Variants in ST7 observed in about 807,000 individuals in gnomAD.
ST7 encodes the protein suppressor of tumorigenicity 7 protein.
ST7 carries 28 observed loss-of-function variants against 78.7 expected under a neutral mutation model. The observed-to-expected ratio is 0.36, with a 90% CI of 0.26 to 0.49. The LOEUF is 0.49. Ranked by LOEUF, ST7 falls within the 20% of genes least tolerant of loss-of-function variation. The pLI, the probability that ST7 is intolerant of heterozygous loss-of-function variation, is 0.99. For synonymous variants in ST7, 247 were observed against 249.6 expected, an observed-to-expected ratio of 0.99 and a Z score of 0.10; for missense variants, 418 against 696.0, an observed-to-expected ratio of 0.60 and a Z score of 4.49.
intron 12 of ST7, among the ~76,000 whole-genome samples, chr7:117,192,028 C>T (rs1265186993): frequency 1.3e-5 from 2 of 152,124 alleles, no homozygotes; most frequent in African/African-American, 4.8e-5. Context: ...GAGTGGTTCA[C>T]TATGCCACAT....
At chr7:117,001,698 G>A (rs979838512) in intron 1 of ST7, among the ~76,000 whole-genome samples, 1 of 151,840 alleles carries the variant, frequency 6.6e-6, no homozygotes, top group African/African-American at 2.4e-5. Context: ...ATCTTTTTTT[G>A]TAATTATGGG....
chr7:116,969,735 C>T (rs893345620), intron 1 of ST7, among the ~76,000 whole-genome samples: 1 of 152,150 alleles, frequency 6.6e-6, no homozygotes, highest in Non-Finnish European at 1.5e-5. Flanking sequence ...TTGTGTTTGG[C>T]AGAGACTTGG....
intron 1 of ST7, among the ~76,000 whole-genome samples, chr7:117,062,605 G>A (rs1798416574): frequency 6.6e-6 from 1 of 151,994 alleles, no homozygotes; most frequent in African/African-American, 2.4e-5. Context: ...TCCTTTTCTG[G>A]AACATTATAT....
intron 1 of ST7, among the ~76,000 whole-genome samples, chr7:117,029,800 A>G (rs1342995884): frequency 6.6e-6 from 1 of 150,860 alleles, no homozygotes; most frequent in South Asian, 2.1e-4. Context: ...TTCTAGCACC[A>G]TTTCTTGAAA....
At chr7:117,001,548 CT>C (rs1794933394) in intron 1 of ST7, among the ~76,000 whole-genome samples, 4 of 152,154 alleles carry the variant, frequency 2.6e-5, no homozygotes, top group African/African-American at 7.2e-5. Context: ...GGCAATGATA[CT>C]TTCAGAAGCA....
intron 10 of ST7, chr7:117,184,109 TTTC>T (rs1216026919): frequency 2.6e-5 from 4 of 152,234 alleles, no homozygotes; most frequent in African/African-American, 9.6e-5. Context: ...TTTGGGGAAA[TTTC>T]TTCTCCTTTC....
At chr7:117,031,896 T>TGGCAA (rs1796616569) in intron 1 of ST7, among the ~76,000 whole-genome samples, 5 of 127,064 alleles carry the variant, frequency 3.9e-5, no homozygotes, top group Non-Finnish European at 8.7e-5. Context: ...TTTTTTTTTT[T>TGGCAA]TTGGCAATGG....
At chr7:117,184,426 A>G (rs972105452) in intron 10 of ST7, among the ~76,000 whole-genome samples, 4 of 152,230 alleles carry the variant, frequency 2.6e-5, no homozygotes, top group Non-Finnish European at 5.9e-5. Context: ...TCCTCAAAAT[A>G]AAATTTCTGA....
intron 1 of ST7, among the ~76,000 whole-genome samples, chr7:117,003,556 A>G (rs537534845): frequency 7.6e-4 from 116 of 152,132 alleles, no homozygotes; most frequent in African/African-American, 2.7e-3. Context: ...AAGGGCTGGG[A>G]TTACAAGCGT....
chr7:116,981,862 CTTTA>C (rs1456815924), intron 1 of ST7, among the ~76,000 whole-genome samples: 15 of 152,280 alleles, frequency 9.9e-5, no homozygotes, highest in South Asian at 6.2e-4. Context: ...ATGTGCTATA[CTTTA>C]TTTAATTGGA....
intron 1 of ST7, among the ~76,000 whole-genome samples, chr7:117,065,400 G>A (rs982711214): frequency 8.6e-5 from 13 of 151,892 alleles, no homozygotes; most frequent in Non-Finnish European, 1.8e-4. Flanking sequence ...TAGTAGAGAC[G>A]GGGTTTCACC....
At chr7:117,053,815 T>C (rs1033111202) in intron 1 of ST7, among the ~76,000 whole-genome samples, 1 of 151,284 alleles carries the variant, frequency 6.6e-6, no homozygotes, top group Non-Finnish European at 1.5e-5. Context: ...ATGTTCTTCA[T>C]GGGTGAAGAA....
At chr7:116,972,737 C>A in intron 1 of ST7, 1 of 919,188 alleles carries the variant, frequency 1.1e-6, no homozygotes, top group Non-Finnish European at 1.8e-6. Flanking sequence ...TTCTCATGAA[C>A]CAGCTGGATC....
intron 2 of ST7, among the ~76,000 whole-genome samples, chr7:117,108,416 T>C (rs1178192709): frequency 1.3e-5 from 2 of 152,210 alleles, no homozygotes; most frequent in Non-Finnish European, 2.9e-5. Flanking sequence ...TTTGGCTTTA[T>C]TTCTGGGTTC....
intron 1 of ST7, chr7:116,956,441 TC>T: frequency 2.1e-6 from 1 of 470,914 alleles, no homozygotes; most frequent in South Asian, 1.5e-5. Context: ...TGCTTACTCT[TC>T]CTGTGATGAA....
intron 1 of ST7, chr7:116,956,291 A>G (rs1483624043): frequency 6.0e-6 from 2 of 335,060 alleles, no homozygotes; most frequent in African/African-American, 4.3e-5. Context: ...AGTTATTGGC[A>G]AGGAAGGCCC....
intron 1 of ST7, among the ~76,000 whole-genome samples, chr7:117,044,946 A>G (rs1797420047): frequency 6.6e-6 from 1 of 151,676 alleles, no homozygotes; most frequent in Admixed American, 6.6e-5. Flanking sequence ...CCCCCCTACT[A>G]CTCACCCAGT....
intron 1 of ST7, among the ~76,000 whole-genome samples, chr7:116,961,596 TGGG>T (rs1792832477): frequency 8.2e-6 from 1 of 121,810 alleles, no homozygotes; most frequent in Admixed American, 8.3e-5. Context: ...GTGTGTGTGG[TGGG>T]GGGCAATTGT....
At chr7:117,163,960 G>A (rs1029925719) in intron 9 of ST7, among the ~76,000 whole-genome samples, 3 of 151,978 alleles carry the variant, frequency 2.0e-5, no homozygotes, top group African/African-American at 7.3e-5. Flanking sequence ...CTACAGTTTT[G>A]CTGCAATCTG....
Sources: allele counts gnomAD v4.1 joint callset (sites outside exome capture counted in the v4.1 genomes callset), GRCh38; gene constraint gnomAD v4.1.1; transcripts MANE v1.5; gene names NCBI Gene and HGNC (gene_info 2026-07-23, HGNC 2026-07-21).